MED12L: variants seen among roughly 807,000 people sequenced by gnomAD.
MED12L encodes the protein mediator complex subunit 12L, also known as mediator of RNA polymerase II transcription subunit 12-like protein.
In MED12L, 60 loss-of-function variants were observed where a neutral mutation model predicts 281.3. The ratio of observed to expected loss-of-function variants is 0.21; its 90% confidence interval spans 0.17 to 0.26. The LOEUF (loss-of-function observed/expected upper bound fraction) is 0.26, where lower values mean the gene tolerates loss of function less well. Among genes scored for constraint, MED12L ranks in the 10% least tolerant of loss-of-function variants. The pLI is 1.00. For synonymous variants in MED12L, 974 were observed against 987.2 expected (o/e 0.99, Z 0.25); for missense variants, 2,146 against 2,680.9 (o/e 0.80, Z 4.41).
At position 151,296,634 on chromosome 3, in the gene MED12L, G is replaced by A. The variant is rs150829678; in HGVS notation, c.2251-53425G>A. 6.2e-3 allele frequency among the ~76,000 whole-genome samples: 937 copies of A among 151,782 alleles called. 13 individuals are homozygous for A. The highest frequency in any genetic ancestry group is 6.2e-3 in the Non-Finnish European group (423 of 67,952). ...GGTTGGAAGGCTGTGCCAGCCTTCT[G>A]CTTGTCCCCATTTTCCCTGGTAGCC... is the stretch of plus-strand genomic sequence containing the variant. On this transcript the variant is annotated intron_variant, in intron 16 of 44. Coordinates refer to ENST00000687756, the MANE Select transcript of MED12L (RefSeq NM_001393769.1).
At chr3:151,428,582 C>T (rs906217149) in intron 43 of MED12L, among the ~76,000 whole-genome samples, 7 of 152,274 alleles carry the variant, frequency 4.6e-5, no homozygotes, top group East Asian at 1.9e-4. Flanking sequence ...ATTACAGATA[C>T]ATCAGTAGGT....
At chr3:151,344,399 T>A (rs1484595647) in intron 16 of MED12L, among the ~76,000 whole-genome samples, 1 of 152,144 alleles carries the variant, frequency 6.6e-6, no homozygotes, top group African/African-American at 2.4e-5. Flanking sequence ...TTATTCCTGA[T>A]GGAACATTTA....
At chr3:151,090,747 G>A (rs534967940) in intron 2 of MED12L, among the ~76,000 whole-genome samples, 6 of 152,156 alleles carry the variant, frequency 3.9e-5, no homozygotes, top group Non-Finnish European at 8.8e-5. Flanking sequence ...GGACAAAAGA[G>A]ACTGAAACAG....
intron 16 of MED12L, among the ~76,000 whole-genome samples, chr3:151,319,507 C>G (rs900860669): frequency 5.8e-5 from 6 of 103,674 alleles, no homozygotes; most frequent in Middle Eastern, 4.7e-3. Flanking sequence ...GTGTGTGTGT[C>G]GGCCACCAGA....
At chr3:151,233,823 G>C (rs747418538) in intron 16 of MED12L, among the ~76,000 whole-genome samples, 1 of 152,176 alleles carries the variant, frequency 6.6e-6, no homozygotes, top group African/African-American at 2.4e-5. Flanking sequence ...TCTGCCATCC[G>C]CCTTTCTCCG....
chr3:151,337,728 C>T (rs1385257782), intron 16 of MED12L: 12 of 1,310,778 alleles, frequency 9.2e-6, no homozygotes, highest in Non-Finnish European at 1.3e-5. Context: ...AACTTAGTTG[C>T]TTCTTCGTCA....
At chr3:151,106,171 T>G (rs1004845077) in intron 2 of MED12L, among the ~76,000 whole-genome samples, 8 of 152,002 alleles carry the variant, frequency 5.3e-5, no homozygotes, top group Non-Finnish European at 1.2e-4. Context: ...TTGTCCACAC[T>G]GCACTTCTAT....
intron 16 of MED12L, among the ~76,000 whole-genome samples, chr3:151,282,482 G>C (rs1041500540): frequency 6.6e-6 from 1 of 152,056 alleles, no homozygotes; most frequent in Non-Finnish European, 1.5e-5. Flanking sequence ...AGATGTTGAC[G>C]TAAGAATGTA....
At chr3:151,315,970 C>T (rs549565715) in intron 16 of MED12L, among the ~76,000 whole-genome samples, 2 of 152,282 alleles carry the variant, frequency 1.3e-5, no homozygotes, top group Admixed American at 1.3e-4. Flanking sequence ...TTCTTGTTTT[C>T]CTCATTGCAG....
chr3:151,122,564 C>T (rs1346785967), intron 3 of MED12L, among the ~76,000 whole-genome samples: 1 of 152,186 alleles, frequency 6.6e-6, no homozygotes, highest in Non-Finnish European at 1.5e-5. Flanking sequence ...TTAACCCCCT[C>T]CGCCAAACTA....
In MED12L at chr3:151,377,242, G is replaced by A. The variant is rs529281735; in HGVS notation, c.4316+64G>A. On this transcript the variant is annotated intron_variant, in intron 30 of 44. Transcript: ENST00000687756. Reference sequence around the variant, plus strand: ...TTTCACAAGTAACGGTAAATTTTGTGTAGCACAGTGATTTTTCTTTAAGTC... The same window carrying A: ...TTTCACAAGTAACGGTAAATTTTGTATAGCACAGTGATTTTTCTTTAAGTC... 26 of 1,344,762 alleles carry A rather than the reference G, an allele frequency of 1.9e-5. No homozygotes were observed. The Admixed American group carries it at 5.4e-4, about 28-fold the overall frequency. The allele number at this position is 1,344,762 out of a possible 1,614,324, so 83.3% of individuals were successfully genotyped here.
At chr3:151,160,125 T>G in intron 8 of MED12L, 24 bp downstream of exon 8, 1 of 1,490,882 alleles carries the variant, frequency 6.7e-7, no homozygotes, top group Non-Finnish European at 9.0e-7. Flanking sequence ...CCTTGTTATT[T>G]TATGTTAAAA....
intron 16 of MED12L, among the ~76,000 whole-genome samples, chr3:151,322,108 A>C (rs1375723027): frequency 6.6e-6 from 1 of 152,200 alleles, no homozygotes; most frequent in Admixed American, 6.5e-5. Flanking sequence ...TATGCACATC[A>C]TAGCATAGAA....
chr3:151,308,744 GTCA>G (rs1396327696), intron 16 of MED12L, among the ~76,000 whole-genome samples: 4 of 152,090 alleles, frequency 2.6e-5, no homozygotes, highest in African/African-American at 9.7e-5. Flanking sequence ...TTTTAATACA[GTCA>G]TCATTATAGT....
intron 16 of MED12L, chr3:151,203,262 G>A (rs1024921185): frequency 9.9e-5 from 15 of 152,090 alleles, no homozygotes; most frequent in Admixed American, 9.2e-4. Context: ...GTTGCATATT[G>A]ACGTAGATGA....
In MED12L at chr3:151,192,572, T is replaced by C. The variant is rs1724128719; in HGVS notation, c.1991T>C (p.Met664Thr). 6.5e-7 allele frequency: 1 copy of C among 1,535,696 alleles called. No individual in the cohort carries two copies. Among genetic ancestry groups the C allele is most frequent in the East Asian group, 2.4e-5 (1 of 40,904 alleles). The change falls in exon 15 of 45, where the codon ATG (methionine) becomes ACG (threonine). Residue 664 changes from methionine (M) to threonine (T), a missense_variant. Coordinates refer to ENST00000687756, the MANE Select transcript of MED12L (RefSeq NM_001393769.1). The part of the protein sequence containing the change: ...KMEEQSIMAH[M>T]GIDSGTTNIF... ...CAGGAACAGAGTATTATGGCGCATATGGGCATTGACTCAGGAACCACTAAC... is the reference window on the plus strand; with the variant it reads ...CAGGAACAGAGTATTATGGCGCATACGGGCATTGACTCAGGAACCACTAAC...
At position 151,360,469 on chromosome 3, in the gene MED12L, C is replaced by T. The variant is rs1359922578; in HGVS notation, c.2826-5C>T. On this transcript the variant is annotated splice_polypyrimidine_tract_variant and splice_region_variant and intron_variant, in intron 20 of 44. Transcript: ENST00000687756. ...TCTTATTTCTTCGTATATTTTTCTCCTCAGGTTGTGTGGTGTGGTCAAGCA... is the reference window on the plus strand; with the variant it reads ...TCTTATTTCTTCGTATATTTTTCTCTTCAGGTTGTGTGGTGTGGTCAAGCA... 3.1e-6 allele frequency: 5 copies of T among 1,610,136 alleles called. No individual in the cohort carries two copies. Among genetic ancestry groups the T allele is most frequent in the Non-Finnish European group, 4.2e-6 (5 of 1,178,168 alleles).
chr3:151,323,237 C>T (rs1749197633), intron 16 of MED12L, among the ~76,000 whole-genome samples: 2 of 152,198 alleles, frequency 1.3e-5, no homozygotes, highest in Admixed American at 1.3e-4. Context: ...TTTTCCCCAT[C>T]ATTCTTGCCT....
chr3:151,343,089 C>T (rs1268956685), intron 16 of MED12L, among the ~76,000 whole-genome samples: 2 of 152,134 alleles, frequency 1.3e-5, no homozygotes, highest in African/African-American at 2.4e-5. Context: ...CCCTCTCCCA[C>T]TAAGAGGCCC....
Sources: gnomAD v4.1 joint callset for allele counts (sites outside exome capture counted in the v4.1 genomes callset) on GRCh38, gnomAD v4.1.1 for gene constraint, MANE v1.5 for transcripts, NCBI Gene and HGNC (gene_info 2026-07-23, HGNC 2026-07-21) for gene names.